TCEA1: variants seen among roughly 807,000 people sequenced by gnomAD.
TCEA1 encodes transcription elongation factor A protein 1.
TCEA1 carries 21 observed loss-of-function variants against 43.8 expected under a neutral mutation model. The ratio of observed to expected loss-of-function variants is 0.48; its 90% CI spans 0.34 to 0.69. TCEA1 has a LOEUF of 0.69. Among genes scored for constraint, TCEA1 ranks in the 30% least tolerant of loss-of-function variants. TCEA1 has a pLI of 0.01. For synonymous variants in TCEA1, 104 were observed against 117.5 expected (o/e 0.88, Z 0.75); for missense variants, 250 against 365.1 (o/e 0.68, Z 2.57).
At chr8:53,974,922 T>C (rs1222318552) in intron 8 of TCEA1, among the ~76,000 whole-genome samples, 1 of 151,310 alleles carries the variant, frequency 6.6e-6, no homozygotes, top group Non-Finnish European at 1.5e-5. Flanking sequence ...TAATTTGAAA[T>C]ATATATATAT....
chr8:53,999,426 T>C (rs1478918461), intron 3 of TCEA1, among the ~76,000 whole-genome samples: 4 of 152,002 alleles, frequency 2.6e-5, no homozygotes, highest in Non-Finnish European at 4.4e-5. Flanking sequence ...AATAAGATTG[T>C]AGTAAGGAAA....
At chr8:54,016,041 G>A (rs1804813416) in intron 1 of TCEA1, among the ~76,000 whole-genome samples, 1 of 152,184 alleles carries the variant, frequency 6.6e-6, no homozygotes, top group Non-Finnish European at 1.5e-5. Context: ...AAAATGAGGT[G>A]AAACTGGAAT....
At chr8:53,971,811 T>G (rs942302095) in intron 8 of TCEA1, 2 of 219,070 alleles carry the variant, frequency 9.1e-6, no homozygotes, top group African/African-American at 3.2e-5. Flanking sequence ...AAAAATCTAG[T>G]TGAGAAAAAG....
At chr8:54,001,982 A>C (rs898126243) in intron 2 of TCEA1, among the ~76,000 whole-genome samples, 7 of 150,672 alleles carry the variant, frequency 4.6e-5, no homozygotes, top group African/African-American at 1.7e-4. Context: ...TCTACTAAAA[A>C]AAAAAAACAA....
intron 1 of TCEA1, among the ~76,000 whole-genome samples, chr8:54,014,701 T>C (rs72655199): frequency 2.1e-3 from 322 of 152,354 alleles, no homozygotes; most frequent in Non-Finnish European, 3.7e-3. Context: ...CAAGACCATG[T>C]AGGATACGAA....
At chr8:54,021,448 C>T (rs1306102271) in intron 1 of TCEA1, 4 of 152,224 alleles carry the variant, frequency 2.6e-5, no homozygotes, top group African/African-American at 9.6e-5. Flanking sequence ...AGTCCTAACT[C>T]TTCTGTACAT....
At chr8:53,996,903 CTTT>C (rs754537318) in intron 3 of TCEA1, among the ~76,000 whole-genome samples, 6 of 116,606 alleles carry the variant, frequency 5.1e-5, no homozygotes, top group South Asian at 6.0e-4. Flanking sequence ...AGAAGGTTGT[CTTT>C]TTTTTTTTTT....
intron 2 of TCEA1, 132 bp from the exon 3 acceptor site, chr8:54,000,182 T>C: frequency 1.7e-6 from 1 of 586,552 alleles, no homozygotes; most frequent in East Asian, 2.9e-5. Flanking sequence ...TTTGGATCCT[T>C]ATAATAGCAA....
chr8:53,973,631 T>G (rs967024071), intron 8 of TCEA1: 8 of 567,902 alleles, frequency 1.4e-5, no homozygotes, highest in Non-Finnish European at 2.4e-5. Context: ...ACAACAAGAT[T>G]GTGGAGCACC....
intron 4 of TCEA1, among the ~76,000 whole-genome samples, chr8:53,989,067 CAA>C (rs1012319832): frequency 2.2e-5 from 3 of 135,980 alleles, no homozygotes; most frequent in African/African-American, 2.7e-5. Flanking sequence ...GACTCCACCT[CAA>C]AAAAAAAAAA....
rs372808456 is a variant in TCEA1 at position 53,988,071 on chromosome 8, G to C, written c.466+43C>G. 8 of 1,593,434 alleles carry C rather than the reference G, an allele frequency of 5.0e-6. No homozygotes were observed. The African/African-American group carries it at 1.1e-4, about 21-fold the overall frequency. On this transcript the variant is annotated intron_variant, in intron 5 of 9. Transcript: ENST00000521604. Reference sequence around the variant, plus strand: ...GGAGTTGGAGATGGCAGTGGTTGTGGGTGGTGACCAAAGGACTGAGAAATA... The same window carrying C: ...GGAGTTGGAGATGGCAGTGGTTGTGCGTGGTGACCAAAGGACTGAGAAATA...
intron 9 of TCEA1, 46 bp downstream of exon 9, chr8:53,970,342 ATCTT>A (rs770980566): frequency 1.6e-6 from 2 of 1,260,746 alleles, no homozygotes; most frequent in South Asian, 1.2e-5. Flanking sequence ...ACCAGAAGAA[ATCTT>A]TCTATTTTAA....
At chr8:54,005,844 T>C (rs1054856008) in intron 2 of TCEA1, among the ~76,000 whole-genome samples, 2 of 152,168 alleles carry the variant, frequency 1.3e-5, no homozygotes, top group Non-Finnish European at 2.9e-5. Context: ...CACCTTTCAG[T>C]AGTAATGCTC....
intron 3 of TCEA1, among the ~76,000 whole-genome samples, chr8:53,997,057 C>A (rs1358746710): frequency 6.6e-6 from 1 of 151,882 alleles, no homozygotes; most frequent in African/African-American, 2.4e-5. Flanking sequence ...AGGTGCTCAC[C>A]ATCACACTCA....
At chr8:54,008,941 C>T (rs570449188) in intron 2 of TCEA1, among the ~76,000 whole-genome samples, 1 of 151,240 alleles carries the variant, frequency 6.6e-6, no homozygotes, top group African/African-American at 2.4e-5. Context: ...CCTCCACTTC[C>T]TGGGTTCAAC....
intron 4 of TCEA1, 66 bp downstream of exon 4, chr8:53,993,602 G>C: frequency 7.6e-7 from 1 of 1,322,278 alleles, no homozygotes. Flanking sequence ...ACATTAGACA[G>C]GGGAATTGAT....
At chr8:53,981,492 A>C (rs1433788289) in intron 7 of TCEA1, among the ~76,000 whole-genome samples, 1 of 152,246 alleles carries the variant, frequency 6.6e-6, no homozygotes, top group Non-Finnish European at 1.5e-5. Flanking sequence ...TCTGTGTTCT[A>C]TAAATGAAAC....
intron 7 of TCEA1, 76 bp from the exon 8 acceptor site, chr8:53,979,247 G>A: frequency 7.3e-7 from 1 of 1,366,354 alleles, no homozygotes; most frequent in Non-Finnish European, 9.7e-7. Flanking sequence ...TGCTCAATTA[G>A]CCTAATAATA....
At chr8:53,991,179 G>A (rs1242368326) in intron 4 of TCEA1, among the ~76,000 whole-genome samples, 2 of 152,104 alleles carry the variant, frequency 1.3e-5, no homozygotes, top group Non-Finnish European at 2.9e-5. Flanking sequence ...GATCACTTGA[G>A]GTCAGGAGTT....
Sources: allele counts gnomAD v4.1 joint callset (sites outside exome capture counted in the v4.1 genomes callset), GRCh38; gene constraint gnomAD v4.1.1; transcripts MANE v1.5; gene names NCBI Gene and HGNC (gene_info 2026-07-23, HGNC 2026-07-21).